Variants in DAPK1 observed in about 807,000 individuals in gnomAD.
DAPK1 encodes the protein death-associated protein kinase 1.
Under a neutral mutation model 144.9 loss-of-function variants are expected in DAPK1, and 56 were observed. The ratio of observed to expected loss-of-function variants is 0.39; its 90% CI spans 0.31 to 0.48. The LOEUF (loss-of-function observed/expected upper bound fraction) is 0.48, where lower values mean the gene tolerates loss of function less well. DAPK1 is among the 20% of genes least tolerant of loss of function. DAPK1 has a pLI of 0.95. For missense variants in DAPK1, 1,454 were observed against 1,875.4 expected (o/e 0.78, Z 4.15); for synonymous variants, 690 against 749.0 (o/e 0.92, Z 1.29).
rs1825946518 is a variant in DAPK1, at chr9:87,538,877, G to A, written c.62+39738G>A. On this transcript the variant is annotated intron_variant, in intron 2 of 25. Coordinates refer to ENST00000408954, the MANE Select transcript of DAPK1 (RefSeq NM_004938.4). ...ATTAAGTGTTTTTGTGTCATTGGCTGTGATGAATCTTTGTGTTTGTTAGAC... is the reference window on the plus strand; with the variant it reads ...ATTAAGTGTTTTTGTGTCATTGGCTATGATGAATCTTTGTGTTTGTTAGAC... 2.0e-5 allele frequency among the ~76,000 whole-genome samples: 3 copies of A among 151,898 alleles called. No homozygotes were observed. In the South Asian group the frequency reaches 6.2e-4, roughly 32 times the overall value.
intron 2 of DAPK1, among the ~76,000 whole-genome samples, chr9:87,510,969 G>C (rs1052265110): frequency 6.6e-6 from 1 of 152,228 alleles, no homozygotes; most frequent in Non-Finnish European, 1.5e-5. Context: ...TATTTAACAA[G>C]ACAGAGCAGG....
At chr9:87,519,459 T>A (rs1274880527) in intron 2 of DAPK1, among the ~76,000 whole-genome samples, 1 of 152,182 alleles carries the variant, frequency 6.6e-6, no homozygotes, top group Non-Finnish European at 1.5e-5. Flanking sequence ...TCCTATGATT[T>A]CTGGGAGAGT....
At chr9:87,700,691 G>C (rs1411366438) in intron 24 of DAPK1, among the ~76,000 whole-genome samples, 1 of 151,930 alleles carries the variant, frequency 6.6e-6, no homozygotes, top group Admixed American at 6.6e-5. Flanking sequence ...GGTAGAGACA[G>C]GGTCTTACTA....
chr9:87,590,325 A>G (rs1218130053), intron 2 of DAPK1, among the ~76,000 whole-genome samples: 1 of 151,298 alleles, frequency 6.6e-6, no homozygotes, highest in Non-Finnish European at 1.5e-5. Context: ...GTTCCACCTT[A>G]ACAGTGTTTT....
At chr9:87,561,586 C>T (rs183343425) in intron 2 of DAPK1, among the ~76,000 whole-genome samples, 5 of 152,178 alleles carry the variant, frequency 3.3e-5, no homozygotes, top group African/African-American at 1.2e-4. Flanking sequence ...CTAATGAAAC[C>T]TTTCATTGAT....
chr9:87,700,073 G>A (rs1825408432), intron 23 of DAPK1, 44 bp from the exon 24 acceptor site: 2 of 1,577,330 alleles, frequency 1.3e-6, no homozygotes, highest in Non-Finnish European at 1.7e-6. Flanking sequence ...AAAAGGCCTG[G>A]GGACATTGAC....
At chr9:87,574,021 A>C (rs1827457758) in intron 2 of DAPK1, among the ~76,000 whole-genome samples, 1 of 152,194 alleles carries the variant, frequency 6.6e-6, no homozygotes, top group Non-Finnish European at 1.5e-5. Flanking sequence ...TTATTATGCC[A>C]CTGTGCTATC....
At chr9:87,595,977 A>AT (rs1404226930) in intron 2 of DAPK1, among the ~76,000 whole-genome samples, 2 of 151,780 alleles carry the variant, frequency 1.3e-5, no homozygotes, top group African/African-American at 4.8e-5. Flanking sequence ...GATAATAATA[A>AT]TTTTTTAAAA....
intron 21 of DAPK1, among the ~76,000 whole-genome samples, chr9:87,687,242 A>G (rs911890958): frequency 2.6e-5 from 4 of 152,134 alleles, no homozygotes; most frequent in Non-Finnish European, 4.4e-5. Context: ...ATCTAACTGC[A>G]TGTTTGTACC....
At chr9:87,538,985 A>C (rs964804091) in intron 2 of DAPK1, among the ~76,000 whole-genome samples, 3 of 150,028 alleles carry the variant, frequency 2.0e-5, no homozygotes, top group African/African-American at 7.3e-5. Context: ...AAAATATTTT[A>C]TTTATATTTA....
chr9:87,696,930 T>C, intron 21 of DAPK1, 77 bp from the exon 22 acceptor site: 1 of 811,292 alleles, frequency 1.2e-6, no homozygotes, highest in South Asian at 1.3e-5. Flanking sequence ...TTCGAATCCG[T>C]GGAACGCTAA....
intron 2 of DAPK1, among the ~76,000 whole-genome samples, chr9:87,527,507 A>T (rs1825557274): frequency 6.6e-6 from 1 of 152,238 alleles, no homozygotes; most frequent in Non-Finnish European, 1.5e-5. Flanking sequence ...AGCTGGCTCC[A>T]GCAGAGCACA....
intron 3 of DAPK1, among the ~76,000 whole-genome samples, chr9:87,631,172 A>G (rs1038388029): frequency 3.3e-5 from 5 of 152,152 alleles, no homozygotes; most frequent in Non-Finnish European, 7.3e-5. Flanking sequence ...TTGCCTTGAA[A>G]TTGGCCTCAT....
intron 2 of DAPK1, chr9:87,525,440 T>A: frequency 6.2e-7 from 1 of 1,609,660 alleles, no homozygotes; most frequent in Non-Finnish European, 8.5e-7. Flanking sequence ...TTTCCGTCAG[T>A]ACGCGAAGGA....
At chr9:87,693,828 G>C (rs1053222352) in intron 21 of DAPK1, among the ~76,000 whole-genome samples, 27 of 152,090 alleles carry the variant, frequency 1.8e-4, no homozygotes, top group African/African-American at 6.0e-4. Flanking sequence ...TTTTTCAGCT[G>C]TAAGCAGCTC....
Position 87,518,462 on chromosome 9 carries a change from C to G in DAPK1, c.62+19323C>G, listed in dbSNP as rs370428111. 3.4e-4 allele frequency among the ~76,000 whole-genome samples: 51 copies of G among 151,966 alleles called. No homozygotes were observed. The East Asian group carries it at 8.9e-3, about 27-fold the overall frequency. ...CTTTAAAAGGGAAAACCTAAGGAAA[C>G]TGATGTTAACCCTTTGCCATCGTCA... On this transcript the variant is annotated intron_variant, in intron 2 of 25. Coordinates refer to ENST00000408954, the MANE Select transcript of DAPK1 (RefSeq NM_004938.4).
At chr9:87,520,303 C>G (rs910285630) in intron 2 of DAPK1, among the ~76,000 whole-genome samples, 1 of 152,130 alleles carries the variant, frequency 6.6e-6, no homozygotes, top group African/African-American at 2.4e-5. Context: ...AGCATCACAA[C>G]AAGGTGTGAA....
intron 19 of DAPK1, among the ~76,000 whole-genome samples, chr9:87,677,914 C>T (rs1007395): frequency 0.33 from 49,578 of 152,076 alleles, 9,825 homozygotes; most frequent in Middle Eastern, 0.54. Flanking sequence ...GCACGTGGCG[C>T]TGGGGACAAT....
chr9:87,561,845 T>G (rs12335873), intron 2 of DAPK1, among the ~76,000 whole-genome samples: 7,571 of 152,250 alleles, frequency 0.05, 586 homozygotes, highest in African/African-American at 0.17. Flanking sequence ...CCCTGGGTTC[T>G]GCCCCCCTCC....
Sources: allele counts gnomAD v4.1 joint callset (sites outside exome capture counted in the v4.1 genomes callset), GRCh38; gene constraint gnomAD v4.1.1; transcripts MANE v1.5; gene names NCBI Gene and HGNC (gene_info 2026-07-23, HGNC 2026-07-21).